RIF1: variants seen among roughly 807,000 people sequenced by gnomAD.
RIF1 encodes the protein replication timing regulatory factor 1.
Under a neutral mutation model 247.1 loss-of-function variants are expected in RIF1, and 45 were observed. The ratio of observed to expected loss-of-function variants is 0.18; its 90% CI spans 0.14 to 0.23. RIF1 has a LOEUF of 0.23. RIF1 is among the 10% of genes least tolerant of loss of function. RIF1 has a pLI of 1.00. For missense variants in RIF1, 2,967 were observed against 2,862.5 expected (o/e 1.04, Z -0.83); for synonymous variants, 1,087 against 978.8 (o/e 1.11, Z -2.06).
intron 3 of RIF1, among the ~76,000 whole-genome samples, chr2:151,413,318 A>G (rs114381393): frequency 0.028 from 4,312 of 152,208 alleles, 83 homozygotes; most frequent in Non-Finnish European, 0.039. Context: ...CATTGTGCCC[A>G]GCCTTACTGC....
At position 151,465,731 on chromosome 2, in the gene RIF1, G is replaced by GTTGAAATGAGCACTGAAGAAGGAATCA; in HGVS notation, c.6216_6242dup (p.Glu2072_Ile2080dup). ...AATGGACAACTTTGTTTGTGACACA[G>GTTGAAATGAGCACTGAAGAAGGAATCA]TTGAAATGAGCACTGAAGAAGGAAT... On this transcript the variant is annotated inframe_insertion, in exon 30 of 36. Transcript: ENST00000444746. The GTTGAAATGAGCACTGAAGAAGGAATCA allele has an allele frequency of 6.2e-7, 1 of 1,614,152 alleles. No homozygotes were observed. Among genetic ancestry groups the GTTGAAATGAGCACTGAAGAAGGAATCA allele is most frequent in the Non-Finnish European group, 8.5e-7 (1 of 1,180,012 alleles).
chr2:151,488,262 A>G (rs967310794), intron 9 of RIF1, among the ~76,000 whole-genome samples: 7 of 152,150 alleles, frequency 4.6e-5, no homozygotes, highest in Non-Finnish European at 7.4e-5. Flanking sequence ...TATTTGTTAT[A>G]GAAACATTTA....
chr2:151,420,054 G>T, intron 6 of RIF1, 136 bp from the exon 7 acceptor site: 1 of 652,828 alleles, frequency 1.5e-6, no homozygotes, highest in East Asian at 3.0e-5. Context: ...TCTATTTCTT[G>T]TGTGTATATG....
intron 17 of RIF1, 54 bp downstream of exon 17, chr2:151,443,383 G>A: frequency 7.4e-7 from 1 of 1,352,602 alleles, no homozygotes; most frequent in South Asian, 1.3e-5. Flanking sequence ...TGTAATGAAT[G>A]AGATTATTTA....
the RIF1 span, among the ~76,000 whole-genome samples, chr2:151,523,398 T>C: frequency 6.6e-6 from 1 of 152,264 alleles, no homozygotes; most frequent in African/African-American, 2.4e-5. Flanking sequence ...TGGAATCCCA[T>C]GTTTGCTATT....
intron 10 of RIF1, chr2:151,496,230 A>AGTT: frequency 6.8e-7 from 1 of 1,467,782 alleles, no homozygotes; most frequent in East Asian, 2.4e-5. Flanking sequence ...TCATAAAAGT[A>AGTT]GTTTTTAAAA....
chr2:151,525,038 G>T, the RIF1 span: 2 of 750,102 alleles, frequency 2.7e-6, no homozygotes, highest in Non-Finnish European at 4.6e-6. Flanking sequence ...ACCAATTCTC[G>T]CCACTAACTT....
At chr2:151,458,422 C>T (rs904768491) in intron 24 of RIF1, among the ~76,000 whole-genome samples, 6 of 151,588 alleles carry the variant, frequency 4.0e-5, no homozygotes, top group Non-Finnish European at 5.9e-5. Flanking sequence ...TTAGTAGAGA[C>T]AAGGTTTCAC....
the RIF1 span, chr2:151,513,518 C>G: frequency 1.3e-5 from 16 of 1,224,606 alleles, no homozygotes; most frequent in East Asian, 3.2e-4. Flanking sequence ...CAGAGGGACA[C>G]TTTATGTCCT....
At chr2:151,411,220 C>A in intron 2 of RIF1, 40 bp from the exon 3 acceptor site, 1 of 1,188,452 alleles carries the variant, frequency 8.4e-7, no homozygotes, top group Non-Finnish European at 1.2e-6. Context: ...TTTTTTTTTC[C>A]TGTCAACTAC....
At chr2:151,529,443 C>T in the RIF1 span, 16 of 670,142 alleles carry the variant, frequency 2.4e-5, no homozygotes, top group African/African-American at 2.2e-4. Context: ...TTTTAAAAAT[C>T]TGCTGTGGAG....
At chr2:151,513,259 T>G in the RIF1 span, among the ~76,000 whole-genome samples, 1 of 152,214 alleles carries the variant, frequency 6.6e-6, no homozygotes, top group African/African-American at 2.4e-5. Context: ...AAGGAATTCC[T>G]GGCATCAAAT....
At chr2:151,510,650 CTATTT>C (rs1282559732), downstream of RIF1, among the ~76,000 whole-genome samples, 13 of 152,098 alleles carry the variant, frequency 8.5e-5, no homozygotes, top group Non-Finnish European at 1.5e-4. Context: ...TATAATTGTT[CTATTT>C]TATTAGTTAT....
intron 9 of RIF1, among the ~76,000 whole-genome samples, chr2:151,430,024 CTTTTT>C (rs762360765): frequency 6.9e-6 from 1 of 145,288 alleles, no homozygotes. Context: ...TGTATAATAA[CTTTTT>C]TTTTTTTTTG....
chr2:151,469,897 TAATA>T (rs764313262), intron 34 of RIF1, 33 bp downstream of exon 34: 13 of 1,488,070 alleles, frequency 8.7e-6, no homozygotes, highest in Admixed American at 2.0e-5. Flanking sequence ...TGATGTATAT[TAATA>T]AATGATGTAG....
chr2:151,462,742 C>T, intron 29 of RIF1, 142 bp from the exon 30 acceptor site: 1 of 644,398 alleles, frequency 1.6e-6, no homozygotes, highest in Non-Finnish European at 2.7e-6. Flanking sequence ...CTACCACTAA[C>T]TTTGGAATAG....
the RIF1 span, chr2:151,524,526 G>T: frequency 6.2e-7 from 1 of 1,613,902 alleles, no homozygotes; most frequent in East Asian, 2.2e-5. Context: ...TCACTGGCCT[G>T]TTTGGCTGCC....
intron 22 of RIF1, 133 bp downstream of exon 22, chr2:151,455,292 CTT>C: frequency 1.7e-6 from 1 of 597,244 alleles, no homozygotes; most frequent in African/African-American, 1.9e-5. Flanking sequence ...ATAAACTACA[CTT>C]TTGTTGAAAA....
chr2:151,492,230 C>G lies in RIF1; in HGVS notation c.*416-2999C>G, dbSNP rs1401528056. On this transcript the variant is annotated intron_variant and NMD_transcript_variant, in intron 9 of 13. Coordinates refer to the RIF1 transcript ENST00000454583. ...ACTCGTTCAGTGATAGGATCTGTCA[C>G]CACTGGTGTGAAGCAACCCTTGTGT... is the stretch of plus-strand genomic sequence containing the variant. 6.2e-7 allele frequency: 1 copy of G among 1,613,944 alleles called. No individual in the cohort carries two copies. Among genetic ancestry groups the G allele is most frequent in the Non-Finnish European group, 8.5e-7 (1 of 1,179,866 alleles).
Sources: gnomAD v4.1 joint callset for allele counts (sites outside exome capture counted in the v4.1 genomes callset) on GRCh38, gnomAD v4.1.1 for gene constraint, MANE v1.5 for transcripts, NCBI Gene and HGNC (gene_info 2026-07-23, HGNC 2026-07-21) for gene names.